SERPINI2: variants seen among roughly 807,000 people sequenced by gnomAD.
SERPINI2 encodes serpin I2.
Under a neutral mutation model 47.3 loss-of-function variants are expected in SERPINI2, and 48 were observed. The observed-to-expected ratio is 1.02, with a 90% CI of 0.81 to 1.29. The LOEUF is 1.29. Among genes scored for constraint, SERPINI2 ranks in the 50% most tolerant of loss-of-function variants. The probability of loss-of-function intolerance (pLI) is 0.00; values close to 1 mark genes in which losing one functional copy is unlikely to be tolerated. For missense variants in SERPINI2, 448 were observed against 456.9 expected, an observed-to-expected ratio of 0.98 and a Z score of 0.18; for synonymous variants, 135 against 149.3, an observed-to-expected ratio of 0.90 and a Z score of 0.70.
At chr3:167,464,556 C>T (rs1306581898) in intron 5 of SERPINI2, among the ~76,000 whole-genome samples, 2 of 151,904 alleles carry the variant, frequency 1.3e-5, no homozygotes, top group African/African-American at 4.8e-5. Flanking sequence ...AGAAATAAAA[C>T]GACAGTATAT....
At chr3:167,447,039 A>G (rs1335649854) in intron 7 of SERPINI2, 1 of 152,104 alleles carries the variant, frequency 6.6e-6, no homozygotes, top group Non-Finnish European at 1.5e-5. Flanking sequence ...ATTACTTTCT[A>G]TGATTATTTA....
chr3:167,447,303 A>G (rs902601089), intron 7 of SERPINI2, among the ~76,000 whole-genome samples: 1 of 152,186 alleles, frequency 6.6e-6, no homozygotes, highest in Non-Finnish European at 1.5e-5. Flanking sequence ...CAGAATATCA[A>G]GGGTATACCT....
chr3:167,476,826 C>A (rs1273926882), upstream of SERPINI2, among the ~76,000 whole-genome samples: 1 of 151,974 alleles, frequency 6.6e-6, no homozygotes, highest in Non-Finnish European at 1.5e-5. Flanking sequence ...GCCTTCAATA[C>A]TTACATGAGG....
At chr3:167,470,550 CTTTTTTTTTTT>C (rs536884425) in intron 2 of SERPINI2, among the ~76,000 whole-genome samples, 38 of 93,038 alleles carry the variant, frequency 4.1e-4, no homozygotes, top group African/African-American at 1.2e-3. Context: ...TGAGCAACAA[CTTTTTTTTTTT>C]TTTTTTTTTT....
At chr3:167,462,599 T>C (rs561607084) in intron 5 of SERPINI2, among the ~76,000 whole-genome samples, 1 of 152,320 alleles carries the variant, frequency 6.6e-6, no homozygotes, top group East Asian at 1.9e-4. Context: ...AAGGCAACAT[T>C]CTGAGTTACT....
At chr3:167,455,365 T>C (rs905730971) in intron 5 of SERPINI2, among the ~76,000 whole-genome samples, 1 of 152,184 alleles carries the variant, frequency 6.6e-6, no homozygotes, top group Non-Finnish European at 1.5e-5. Context: ...ACAATCCCAA[T>C]TTTTGTTTTA....
intron 2 of SERPINI2, among the ~76,000 whole-genome samples, chr3:167,471,328 C>A (rs1036997917): frequency 6.6e-6 from 1 of 151,860 alleles, no homozygotes; most frequent in Non-Finnish European, 1.5e-5. Flanking sequence ...CTGGCTAAAA[C>A]AAACTAAAAG....
chr3:167,465,982 T>C (rs1485347372), intron 3 of SERPINI2, among the ~76,000 whole-genome samples: 1 of 152,132 alleles, frequency 6.6e-6, no homozygotes, highest in Non-Finnish European at 1.5e-5. Flanking sequence ...AATAAAAATA[T>C]TACTTCTTCC....
intron 7 of SERPINI2, 101 bp from the exon 8 acceptor site, chr3:167,446,582 G>A (rs2108150706): frequency 2.7e-6 from 2 of 735,028 alleles, no homozygotes; most frequent in East Asian, 2.7e-5. Flanking sequence ...GTCATTTTGT[G>A]TAAGGAGTTA....
chr3:167,449,340 C>T (rs1168893433), exon 7 of SERPINI2: 1 of 1,612,820 alleles, frequency 6.2e-7, no homozygotes, highest in South Asian at 1.1e-5. Flanking sequence ...GCTTCACTAC[C>T]ATCTTCATTT....
At chr3:167,446,679 A>G (rs1280904383) in intron 7 of SERPINI2, 198 bp from the exon 8 acceptor site, 2 of 366,168 alleles carry the variant, frequency 5.5e-6, no homozygotes, top group Non-Finnish European at 9.8e-6. Flanking sequence ...ATATTAGGTC[A>G]CTCACAGAAT....
chr3:167,452,935 C>T lies in SERPINI2; in HGVS notation c.964+1G>A. On this transcript the variant is annotated splice_donor_variant, in intron 6 of 8. Transcript: ENST00000264677. LOFTEE classifies it high-confidence loss of function. ...AATATAAGAATTATTTATCATACTACCTGTTATTCCAGAAAGGTCGCAGCC... is the reference window on the plus strand; with the variant it reads ...AATATAAGAATTATTTATCATACTATCTGTTATTCCAGAAAGGTCGCAGCC... 4 of 1,556,538 alleles carry T rather than the reference C, an allele frequency of 2.6e-6. No individual in the cohort carries two copies. Among genetic ancestry groups the T allele is most frequent in the Non-Finnish European group, 3.5e-6 (4 of 1,136,078 alleles).
chr3:167,444,611 T>C (rs1420353219), intron 8 of SERPINI2, among the ~76,000 whole-genome samples: 1 of 152,190 alleles, frequency 6.6e-6, no homozygotes, highest in Non-Finnish European at 1.5e-5. Context: ...ATGTATTGTC[T>C]TAAGATAACG....
chr3:167,470,483 C>T (rs535051783), intron 2 of SERPINI2, among the ~76,000 whole-genome samples: 84 of 147,360 alleles, frequency 5.7e-4, no homozygotes, highest in African/African-American at 2.1e-3. Context: ...CAGAGTAATC[C>T]AAAAGCTGAA....
intron 5 of SERPINI2, among the ~76,000 whole-genome samples, chr3:167,454,309 TG>T (rs1266454582): frequency 3.3e-5 from 5 of 152,254 alleles, no homozygotes; most frequent in Non-Finnish European, 5.9e-5. Context: ...TAAAACAATA[TG>T]TTTTTTTGGA....
chr3:167,471,487 A>G, intron 2 of SERPINI2, 101 bp downstream of exon 2: 1 of 1,193,890 alleles, frequency 8.4e-7, no homozygotes, highest in East Asian at 2.4e-5. Flanking sequence ...TTTTCATTAC[A>G]TTTTCACTTA....
chr3:167,461,445 G>A (rs557504429), intron 5 of SERPINI2, among the ~76,000 whole-genome samples: 1 of 152,244 alleles, frequency 6.6e-6, no homozygotes, highest in African/African-American at 2.4e-5. Flanking sequence ...TTCAAATTCA[G>A]CTTTTAAGGC....
chr3:167,451,856 G>A (rs574648149), intron 6 of SERPINI2, among the ~76,000 whole-genome samples: 2 of 152,312 alleles, frequency 1.3e-5, no homozygotes, highest in South Asian at 4.1e-4. Context: ...AGAGGTGGTT[G>A]TGTCTCAGGG....
At chr3:167,462,309 AAT>A (rs151157052) in intron 5 of SERPINI2, among the ~76,000 whole-genome samples, 146 of 152,342 alleles carry the variant, frequency 9.6e-4, no homozygotes, top group African/African-American at 3.4e-3. Context: ...GGGTATCTTA[AAT>A]AACAAATAGA....
Sources: gnomAD v4.1 joint callset for allele counts (sites outside exome capture counted in the v4.1 genomes callset) on GRCh38, gnomAD v4.1.1 for gene constraint, MANE v1.5 for transcripts, NCBI Gene and HGNC (gene_info 2026-07-23, HGNC 2026-07-21) for gene names.